Variants in RHOT1 observed in about 807,000 individuals in gnomAD.
RHOT1 encodes ras homolog family member T1, also known as mitochondrial Rho GTPase 1.
A neutral mutation model predicts 95.3 loss-of-function variants in RHOT1; 27 were observed. The ratio of observed to expected loss-of-function variants is 0.28; its 90% CI spans 0.21 to 0.39. The LOEUF is 0.39. RHOT1 is among the 10% of genes least tolerant of loss of function. The pLI is 1.00. For synonymous variants in RHOT1, 227 were observed against 263.5 expected (o/e 0.86, Z 1.34); for missense variants, 578 against 786.7 (o/e 0.73, Z 3.17).
chr17:32,172,001 A>C (rs2034614565), intron 2 of RHOT1, among the ~76,000 whole-genome samples: 1 of 152,216 alleles, frequency 6.6e-6, no homozygotes, highest in African/African-American at 2.4e-5. Flanking sequence ...AAGTTAGCAT[A>C]TAGTTATAGG....
At chr17:32,205,548 A>G (rs979745682) in intron 16 of RHOT1, among the ~76,000 whole-genome samples, 2 of 152,236 alleles carry the variant, frequency 1.3e-5, no homozygotes, top group East Asian at 1.9e-4. Context: ...CACACTGCCT[A>G]TGGGTTAGCC....
intron 19 of RHOT1, among the ~76,000 whole-genome samples, chr17:32,221,943 A>G (rs552569260): frequency 6.6e-6 from 1 of 152,198 alleles, no homozygotes; most frequent in East Asian, 1.9e-4. Flanking sequence ...TCTATCAACA[A>G]ACAAACAAAC....
At chr17:32,142,979 C>T (rs1287424961) in intron 1 of RHOT1, 10 of 712,602 alleles carry the variant, frequency 1.4e-5, no homozygotes, top group Non-Finnish European at 2.6e-5. Context: ...CCCTGTTCCC[C>T]AGCCGTCCTC....
chr17:32,207,129 A>G, intron 17 of RHOT1, 100 bp downstream of exon 17: 2 of 1,147,604 alleles, frequency 1.7e-6, no homozygotes, highest in South Asian at 1.6e-5. Flanking sequence ...CAACAAAATC[A>G]TGTGTATTTT....
Position 32,212,390 on chromosome 17 carries a change from C to T in RHOT1, c.1862+1152C>T, listed in dbSNP as rs547849616. On this transcript the variant is annotated intron_variant, in intron 19 of 19. Transcript: ENST00000545287. Reference sequence around the variant, plus strand: ...CAGGTGACTGCTTTGAAGGGATCACCGCACCCATTTGGTGGCAAAGTTCTG... The same window carrying T: ...CAGGTGACTGCTTTGAAGGGATCACTGCACCCATTTGGTGGCAAAGTTCTG... 3.2e-4 allele frequency among the ~76,000 whole-genome samples: 48 copies of T among 152,310 alleles called. No individual in the cohort carries two copies. The South Asian group carries it at 9.9e-3, about 32-fold the overall frequency.
chr17:32,198,595 GCTA>G (rs1251492561), intron 11 of RHOT1, among the ~76,000 whole-genome samples: 3 of 152,168 alleles, frequency 2.0e-5, no homozygotes, highest in Non-Finnish European at 4.4e-5. Flanking sequence ...TGTGGTCCCA[GCTA>G]CTCAAGAGGC....
At chr17:32,163,784 C>T (rs185303664) in intron 1 of RHOT1, among the ~76,000 whole-genome samples, 3 of 151,988 alleles carry the variant, frequency 2.0e-5, no homozygotes, top group African/African-American at 7.2e-5. Context: ...TTGGTGATAA[C>T]TATCTAAGTC....
chr17:32,192,425 A>G (rs1598405383), intron 9 of RHOT1, 126 bp downstream of exon 9: 1 of 649,670 alleles, frequency 1.5e-6, no homozygotes, highest in Non-Finnish European at 2.7e-6. Flanking sequence ...TCTTTCTCAT[A>G]AAACTATCTT....
intron 9 of RHOT1, among the ~76,000 whole-genome samples, chr17:32,192,505 T>A (rs2036565147): frequency 6.6e-6 from 1 of 152,084 alleles, no homozygotes; most frequent in South Asian, 2.1e-4. Flanking sequence ...AGCTTCATTT[T>A]ATGGTATAAA....
intron 1 of RHOT1, among the ~76,000 whole-genome samples, chr17:32,155,716 A>G (rs1172535587): frequency 6.7e-6 from 1 of 149,864 alleles, no homozygotes; most frequent in African/African-American, 2.5e-5. Flanking sequence ...CTAATTTTTT[A>G]TTTTCTGTAG....
intron 6 of RHOT1, among the ~76,000 whole-genome samples, chr17:32,178,725 C>A (rs992597924): frequency 6.6e-6 from 1 of 151,276 alleles, no homozygotes; most frequent in South Asian, 2.1e-4. Context: ...GCCCAGCCGC[C>A]CTGTCTGGGA....
At position 32,219,058 on chromosome 17, in the gene RHOT1, C is replaced by T. The variant is rs1310024312; in HGVS notation, c.1863-5558C>T. Among the ~76,000 whole-genome samples, 6 of 152,000 alleles carry T rather than the reference C, an allele frequency of 3.9e-5. No homozygotes were observed. In the South Asian group the frequency reaches 1.0e-3, roughly 26 times the overall value. On this transcript the variant is annotated intron_variant, in intron 19 of 19. Coordinates refer to ENST00000545287, the MANE Select transcript of RHOT1 (RefSeq NM_001033566.3). ...AATTAGAAGACCATTCACATTAGTGCATTTGTACATCTCTTAGTTGTATTT... is the reference window on the plus strand; with the variant it reads ...AATTAGAAGACCATTCACATTAGTGTATTTGTACATCTCTTAGTTGTATTT...
At chr17:32,210,048 C>G (rs2038021176) in intron 18 of RHOT1, among the ~76,000 whole-genome samples, 1 of 151,888 alleles carries the variant, frequency 6.6e-6, no homozygotes. Flanking sequence ...TGGAATGCTG[C>G]TAATCGTTAC....
chr17:32,176,027 C>CT lies in RHOT1; in HGVS notation c.276+19dup, dbSNP rs1567678980. On this transcript the variant is annotated intron_variant, in intron 5 of 19. Coordinates refer to ENST00000545287, the MANE Select transcript of RHOT1 (RefSeq NM_001033566.3). ...ATTCTATTGATAAGGTAGGTGTGAT[C>CT]TTTTTTTCCCTATAGTTGGTTTCAG... 1.2e-6 allele frequency: 2 copies of CT among 1,603,694 alleles called. No individual in the cohort carries two copies. Among genetic ancestry groups the CT allele is most frequent in the African/African-American group, 1.3e-5 (1 of 74,364 alleles).
At chr17:32,154,376 C>T (rs1399886063) in intron 1 of RHOT1, among the ~76,000 whole-genome samples, 1 of 149,522 alleles carries the variant, frequency 6.7e-6, no homozygotes, top group Non-Finnish European at 1.5e-5. Context: ...GTCAGGAGAT[C>T]AAGACCATCC....
At chr17:32,219,706 G>A (rs936083792) in intron 19 of RHOT1, among the ~76,000 whole-genome samples, 6 of 152,164 alleles carry the variant, frequency 3.9e-5, no homozygotes, top group African/African-American at 1.2e-4. Flanking sequence ...AGAACTTGAC[G>A]TCTGATACAT....
At chr17:32,208,805 C>T (rs1383366799) in intron 18 of RHOT1, 1 of 157,628 alleles carries the variant, frequency 6.3e-6, no homozygotes, top group East Asian at 1.9e-4. Flanking sequence ...ATTGGAATTT[C>T]TACTGTATAA....
At chr17:32,160,138 A>G (rs1335460345) in intron 1 of RHOT1, 1 of 151,786 alleles carries the variant, frequency 6.6e-6, no homozygotes, top group Non-Finnish European at 1.5e-5. Context: ...GAGAGGAGCT[A>G]CCCTCTCTCC....
chr17:32,143,151 C>T, intron 1 of RHOT1: 1 of 511,680 alleles, frequency 2.0e-6, no homozygotes, highest in Non-Finnish European at 3.9e-6. Context: ...CACTGCCAGG[C>T]AGGTGCTGGA....
Sources: allele counts gnomAD v4.1 joint callset (sites outside exome capture counted in the v4.1 genomes callset), GRCh38; gene constraint gnomAD v4.1.1; transcripts MANE v1.5; gene names NCBI Gene and HGNC (gene_info 2026-07-23, HGNC 2026-07-21).